The following GRID2 variants were observed in gnomAD, a reference collection of about 807,000 sequenced individuals.
The protein encoded by GRID2 is glutamate ionotropic receptor delta type subunit 2.
Under a neutral mutation model 114.8 loss-of-function variants are expected in GRID2, and 33 were observed. The observed-to-expected ratio is 0.29, with a 90% confidence interval of 0.22 to 0.38. The LOEUF (loss-of-function observed/expected upper bound fraction) is 0.38. Among genes scored for constraint, GRID2 ranks in the 10% least tolerant of loss-of-function variants. The pLI is 1.00. For missense variants in GRID2, 1,184 were observed against 1,257.7 expected (o/e 0.94, Z 0.89); for synonymous variants, 505 against 449.9 (o/e 1.12, Z -1.55).
intron 1 of GRID2, among the ~76,000 whole-genome samples, chr4:92,440,138 T>A (rs1027092032): frequency 5.5e-5 from 8 of 145,918 alleles, no homozygotes; most frequent in African/African-American, 1.7e-4. Flanking sequence ...GTCCAGTCCT[T>A]TTTAAGTTGG....
intron 2 of GRID2, among the ~76,000 whole-genome samples, chr4:92,681,139 G>A (rs1733628943): frequency 6.6e-6 from 1 of 152,110 alleles, no homozygotes; most frequent in South Asian, 2.1e-4. Context: ...AAGATTGGTT[G>A]CAGCTTACAA....
Position 93,721,919 on chromosome 4 carries a change from T to TC in GRID2, c.2361-47290dup, listed in dbSNP as rs1439768624. Among the ~76,000 whole-genome samples the TC allele has an allele frequency of 6.9e-3, 876 of 126,056 alleles. 12 individuals are homozygous for TC. The highest frequency in any genetic ancestry group is 0.024 in the African/African-American group (834 of 34,106). The allele number at this position is 126,056 out of a possible 152,430, so 82.7% of individuals were successfully genotyped here. ...AAAGAGGAGAAAATAATTTCTTTTT[T>TC]CTTTTTTTTTTTTTTTTGAGACGGA... is the stretch of plus-strand genomic sequence containing the variant. On this transcript the variant is annotated intron_variant, in intron 14 of 15. Transcript: ENST00000282020.
chr4:93,128,067 A>G (rs1348933729), intron 4 of GRID2, among the ~76,000 whole-genome samples: 68 of 139,538 alleles, frequency 4.9e-4, no homozygotes, highest in Non-Finnish European at 8.5e-4. Flanking sequence ...AAACAACAGT[A>G]CGTGCTATAT....
intron 2 of GRID2, among the ~76,000 whole-genome samples, chr4:92,693,365 A>G (rs1259609548): frequency 6.6e-6 from 1 of 152,216 alleles, no homozygotes; most frequent in African/African-American, 2.4e-5. Flanking sequence ...TCCTGTAGAC[A>G]TAAATATTCT....
chr4:92,649,225 G>C (rs1253963109), intron 2 of GRID2, among the ~76,000 whole-genome samples: 2 of 124,832 alleles, frequency 1.6e-5, no homozygotes. Context: ...ATATGACTAT[G>C]GAGGTAGAGA....
intron 2 of GRID2, among the ~76,000 whole-genome samples, chr4:92,929,493 G>GT (rs1478259147): frequency 2.6e-5 from 4 of 151,274 alleles, no homozygotes; most frequent in African/African-American, 9.7e-5. Flanking sequence ...TTTTTGTATA[G>GT]TAAGTATGGA....
intron 8 of GRID2, among the ~76,000 whole-genome samples, chr4:93,245,016 T>C (rs1198132479): frequency 6.6e-6 from 1 of 152,058 alleles, no homozygotes; most frequent in Non-Finnish European, 1.5e-5. Context: ...TCTTGGAAGG[T>C]TTATATAATA....
At chr4:93,035,417 A>C (rs1252405959) in intron 2 of GRID2, among the ~76,000 whole-genome samples, 1 of 152,006 alleles carries the variant, frequency 6.6e-6, no homozygotes, top group Non-Finnish European at 1.5e-5. Flanking sequence ...TCCTGCCTTT[A>C]ACTAGTTTTA....
At chr4:92,500,283 G>A (rs751087223) in intron 1 of GRID2, among the ~76,000 whole-genome samples, 1 of 151,336 alleles carries the variant, frequency 6.6e-6, no homozygotes, top group Non-Finnish European at 1.5e-5. Flanking sequence ...CTATTTTTGT[G>A]CTTCGTTTTG....
chr4:92,617,241 A>C (rs1730046337), intron 2 of GRID2, among the ~76,000 whole-genome samples: 1 of 151,184 alleles, frequency 6.6e-6, no homozygotes, highest in Non-Finnish European at 1.5e-5. Context: ...AGGATCTAGC[A>C]TGCAAGTACA....
intron 14 of GRID2, among the ~76,000 whole-genome samples, chr4:93,692,474 T>A (rs1726655173): frequency 6.6e-6 from 1 of 152,194 alleles, no homozygotes; most frequent in African/African-American, 2.4e-5. Context: ...AAGAGCTCCA[T>A]AAATTTTAGT....
At chr4:92,687,332 C>CTG (rs1195766986) in intron 2 of GRID2, among the ~76,000 whole-genome samples, 1 of 151,832 alleles carries the variant, frequency 6.6e-6, no homozygotes, top group Non-Finnish European at 1.5e-5. Flanking sequence ...CACAGATAAC[C>CTG]TGTATATATA....
chr4:93,250,860 A>G (rs1748829488), intron 8 of GRID2, among the ~76,000 whole-genome samples: 1 of 151,498 alleles, frequency 6.6e-6, no homozygotes, highest in Non-Finnish European at 1.5e-5. Context: ...ACTGGCCTTC[A>G]TTTTAAAAAG....
chr4:92,543,796 C>T (rs1472872689), intron 1 of GRID2, among the ~76,000 whole-genome samples: 1 of 152,098 alleles, frequency 6.6e-6, no homozygotes, highest in Non-Finnish European at 1.5e-5. Flanking sequence ...AAATTCAAGG[C>T]AATAACAAAA....
chr4:93,668,223 A>G (rs977820149), intron 14 of GRID2, among the ~76,000 whole-genome samples: 8 of 152,016 alleles, frequency 5.3e-5, no homozygotes, highest in African/African-American at 1.9e-4. Context: ...TAAACAGAGT[A>G]TTTTAATCCC....
At chr4:92,889,236 A>G (rs888800552) in intron 2 of GRID2, among the ~76,000 whole-genome samples, 1 of 152,176 alleles carries the variant, frequency 6.6e-6, no homozygotes, top group African/African-American at 2.4e-5. Context: ...AGATACGTTC[A>G]CCATTATAAA....
intron 2 of GRID2, among the ~76,000 whole-genome samples, chr4:92,602,247 A>G (rs1729251714): frequency 6.6e-6 from 1 of 151,734 alleles, no homozygotes; most frequent in Non-Finnish European, 1.5e-5. Context: ...AAAGAAAAAG[A>G]AAAAAGAAAA....
chr4:93,696,967 A>G (rs1225568304), intron 14 of GRID2, among the ~76,000 whole-genome samples: 1 of 152,202 alleles, frequency 6.6e-6, no homozygotes, highest in Non-Finnish European at 1.5e-5. Context: ...TGAAGAAAAA[A>G]CTGATGTCAT....
chr4:92,976,057 C>A (rs1010191422), intron 2 of GRID2, among the ~76,000 whole-genome samples: 1 of 151,778 alleles, frequency 6.6e-6, no homozygotes, highest in Non-Finnish European at 1.5e-5. Context: ...GTGAACATTA[C>A]CATATATAAG....
Sources: gnomAD v4.1 joint callset for allele counts (sites outside exome capture counted in the v4.1 genomes callset) on GRCh38, gnomAD v4.1.1 for gene constraint, MANE v1.5 for transcripts, NCBI Gene and HGNC (gene_info 2026-07-23, HGNC 2026-07-21) for gene names.